SLC38A9: variants seen among roughly 807,000 people sequenced by gnomAD.
The protein encoded by SLC38A9 is neutral amino acid transporter 9.
SLC38A9 carries 48 observed loss-of-function variants against 62.3 expected under a neutral mutation model. That is an observed-to-expected ratio of 0.77 (90% CI 0.61 to 0.98). SLC38A9 has a LOEUF of 0.98. Among genes scored for constraint, SLC38A9 ranks in the 50% least tolerant of loss-of-function variants. SLC38A9 has a pLI of 0.00. For missense variants in SLC38A9, 541 were observed against 679.8 expected, an observed-to-expected ratio of 0.80 and a Z score of 2.27; for synonymous variants, 204 against 227.7, an observed-to-expected ratio of 0.90 and a Z score of 0.94.
rs773353815 is a variant in SLC38A9, at chr5:55,669,753, C to T, written c.368+5G>A. The T allele has an allele frequency of 2.5e-6, 4 of 1,610,994 alleles. No individual in the cohort carries two copies. The highest frequency in any genetic ancestry group is 3.4e-6 in the Non-Finnish European group (4 of 1,179,218). Reference sequence around the variant, plus strand: ...AGTCATGCTCCAAAAAGCAGTTTCACTCACATGGTTACTAAACTGGTGTTT... The same window carrying T: ...AGTCATGCTCCAAAAAGCAGTTTCATTCACATGGTTACTAAACTGGTGTTT... On this transcript the variant is annotated splice_donor_5th_base_variant and intron_variant, in intron 5 of 15. Transcript: ENST00000396865.
chr5:55,687,942 C>T (rs1754164078), intron 3 of SLC38A9, among the ~76,000 whole-genome samples: 1 of 152,132 alleles, frequency 6.6e-6, no homozygotes. Flanking sequence ...CATGATCCGC[C>T]CGCCTTGGCC....
chr5:55,630,029 G>A (rs570753342), intron 14 of SLC38A9, among the ~76,000 whole-genome samples: 1 of 152,184 alleles, frequency 6.6e-6, no homozygotes, highest in Non-Finnish European at 1.5e-5. Context: ...AGACCAATTG[G>A]TTTTAATGTA....
chr5:55,629,360 G>A (rs543889259), intron 14 of SLC38A9, among the ~76,000 whole-genome samples: 3 of 151,984 alleles, frequency 2.0e-5, no homozygotes, highest in East Asian at 1.9e-4. Flanking sequence ...CACCATGACC[G>A]GCTAACACCC....
At chr5:55,635,698 T>C (rs1744275027) in intron 12 of SLC38A9, 41 bp from the exon 13 acceptor site, 6 of 1,344,828 alleles carry the variant, frequency 4.5e-6, no homozygotes, top group Admixed American at 3.4e-5. Context: ...CTGAAGAACC[T>C]TGTAGTAAGT....
rs190559600 is a variant in SLC38A9 at position 55,639,312 on chromosome 5, C to T, written c.1168-3655G>A. Among the ~76,000 whole-genome samples the T allele has an allele frequency of 1.8e-4, 27 of 149,996 alleles. No individual in the cohort carries two copies. In the East Asian group the frequency reaches 5.1e-3, roughly 28 times the overall value. On this transcript the variant is annotated intron_variant, in intron 12 of 15. Transcript: ENST00000396865. ...AAAAAAAAGAATAGAAATGATATCC[C>T]ATTTACACATATAACAAACTGCATT...
chr5:55,640,273 AC>A (rs1375344961), intron 12 of SLC38A9, among the ~76,000 whole-genome samples: 1 of 152,212 alleles, frequency 6.6e-6, no homozygotes, highest in Non-Finnish European at 1.5e-5. Context: ...GGTGTGAGCT[AC>A]CATGCCCAGC....
intron 12 of SLC38A9, among the ~76,000 whole-genome samples, chr5:55,645,428 C>T (rs1746165219): frequency 6.6e-6 from 1 of 152,204 alleles, no homozygotes; most frequent in South Asian, 2.1e-4. Context: ...TGCTCTATGG[C>T]AGGCACTGGC....
intron 3 of SLC38A9, among the ~76,000 whole-genome samples, chr5:55,682,960 C>CA (rs933562832): frequency 1.4e-5 from 2 of 143,162 alleles, no homozygotes; most frequent in Admixed American, 1.4e-4. Context: ...GGAAGGAAGG[C>CA]AGGCAGGCAG....
At chr5:55,692,815 A>G in intron 3 of SLC38A9, 3 of 984,958 alleles carry the variant, frequency 3.0e-6, no homozygotes, top group Non-Finnish European at 3.6e-6. Flanking sequence ...GAAAACCCTG[A>G]GCATTCAAGT....
chr5:55,711,732 A>T (rs1390652216), intron 1 of SLC38A9, among the ~76,000 whole-genome samples: 3 of 152,088 alleles, frequency 2.0e-5, no homozygotes, highest in African/African-American at 4.8e-5. Flanking sequence ...CCAACTCGGG[A>T]TGGAGAAAGG....
At chr5:55,669,930 G>C in intron 4 of SLC38A9, 51 bp from the exon 5 acceptor site, 5 of 1,541,874 alleles carry the variant, frequency 3.2e-6, no homozygotes, top group Non-Finnish European at 3.5e-6. Flanking sequence ...ATGCAAAATA[G>C]GATATTTGTT....
intron 3 of SLC38A9, among the ~76,000 whole-genome samples, chr5:55,678,645 CTTTTTT>C: frequency 2.2e-5 from 1 of 45,832 alleles, no homozygotes; most frequent in South Asian, 9.5e-4. Context: ...CTGAAATGAA[CTTTTTT>C]TTTTTTTTTT....
intron 3 of SLC38A9, among the ~76,000 whole-genome samples, chr5:55,680,371 T>C (rs1182667373): frequency 1.3e-5 from 2 of 152,230 alleles, no homozygotes; most frequent in Non-Finnish European, 2.9e-5. Context: ...TTTGAGTGTG[T>C]TCCCTCCAAA....
intron 2 of SLC38A9, among the ~76,000 whole-genome samples, chr5:55,703,635 T>A (rs754533330): frequency 6.6e-6 from 1 of 152,200 alleles, no homozygotes; most frequent in Non-Finnish European, 1.5e-5. Flanking sequence ...TTCTCTTCCT[T>A]CCTTTACATA....
intron 3 of SLC38A9, among the ~76,000 whole-genome samples, chr5:55,674,713 A>G (rs1439913152): frequency 6.6e-6 from 1 of 152,232 alleles, no homozygotes; most frequent in East Asian, 1.9e-4. Flanking sequence ...ATTATTGTTA[A>G]GTGAATTAAG....
chr5:55,656,589 G>A, intron 9 of SLC38A9, 126 bp downstream of exon 9: 2 of 661,512 alleles, frequency 3.0e-6, no homozygotes, highest in Non-Finnish European at 5.3e-6. Flanking sequence ...CAATTTAGTA[G>A]CAGCTCAGTA....
intron 8 of SLC38A9, among the ~76,000 whole-genome samples, chr5:55,662,687 C>CAAAAAAAAAAAAAAAAAACAAAA (rs200454419): frequency 7.1e-6 from 1 of 141,130 alleles, no homozygotes. Flanking sequence ...AAAAAAAAAC[C>CAAAAAAAAAAAAAAAAAACAAAA]AAAAAAAAAA....
intron 12 of SLC38A9, among the ~76,000 whole-genome samples, chr5:55,638,562 G>A (rs1433303519): frequency 1.3e-5 from 2 of 152,124 alleles, no homozygotes; most frequent in African/African-American, 4.8e-5. Context: ...ATCTACAACA[G>A]GCCCAGAAGT....
intron 10 of SLC38A9, among the ~76,000 whole-genome samples, chr5:55,650,385 A>G (rs535289261): frequency 1.3e-5 from 2 of 152,240 alleles, no homozygotes; most frequent in Non-Finnish European, 2.9e-5. Flanking sequence ...AGAAAGGGAA[A>G]GTACCAAGGA....
Sources: allele counts gnomAD v4.1 joint callset (sites outside exome capture counted in the v4.1 genomes callset), GRCh38; gene constraint gnomAD v4.1.1; transcripts MANE v1.5; gene names NCBI Gene and HGNC (gene_info 2026-07-23, HGNC 2026-07-21).